The following DGKB variants were observed in gnomAD, a reference collection of about 807,000 sequenced individuals.
DGKB encodes diacylglycerol kinase beta, also known as 90 kDa diacylglycerol kinase.
Under a neutral mutation model 114.3 loss-of-function variants are expected in DGKB, and 67 were observed. The ratio of observed to expected loss-of-function variants is 0.59; its 90% CI spans 0.48 to 0.72. The LOEUF (loss-of-function observed/expected upper bound fraction) is 0.72, where lower values mean the gene tolerates loss of function less well. DGKB is among the 30% of genes least tolerant of loss of function. The pLI, the probability that DGKB is intolerant of heterozygous loss-of-function variation, is 0.00. For synonymous variants in DGKB, 398 were observed against 323.1 expected, an observed-to-expected ratio of 1.23 and a Z score of -2.49; for missense variants, 907 against 975.2, an observed-to-expected ratio of 0.93 and a Z score of 0.93.
chr7:14,275,134 G>A (rs1044590597), intron 23 of DGKB, among the ~76,000 whole-genome samples: 5 of 152,142 alleles, frequency 3.3e-5, no homozygotes, highest in Admixed American at 1.3e-4. Context: ...CAGTTTTTAT[G>A]TTACCATTGC....
At chr7:14,672,201 A>G (rs1819079467) in intron 13 of DGKB, among the ~76,000 whole-genome samples, 1 of 152,084 alleles carries the variant, frequency 6.6e-6, no homozygotes, top group Non-Finnish European at 1.5e-5. Context: ...ATCAAATGGA[A>G]GTTCCAGCCA....
At chr7:14,433,138 G>T (rs910894912) in intron 21 of DGKB, among the ~76,000 whole-genome samples, 2 of 152,152 alleles carry the variant, frequency 1.3e-5, no homozygotes, top group Non-Finnish European at 2.9e-5. Flanking sequence ...CTCCCTGGGA[G>T]CACGTCGTAT....
intron 23 of DGKB, among the ~76,000 whole-genome samples, chr7:14,215,626 A>G (rs1237886307): frequency 2.6e-5 from 4 of 152,142 alleles, no homozygotes; most frequent in African/African-American, 9.7e-5. Context: ...TATTACCTTC[A>G]TTTTGCCGAT....
At chr7:14,468,042 CTTA>C (rs1309012103) in intron 21 of DGKB, among the ~76,000 whole-genome samples, 2 of 151,982 alleles carry the variant, frequency 1.3e-5, no homozygotes, top group East Asian at 3.9e-4. Flanking sequence ...AAAAAGCATT[CTTA>C]TTATATTATT....
At chr7:14,386,293 A>T (rs1385217196) in intron 21 of DGKB, among the ~76,000 whole-genome samples, 1 of 152,132 alleles carries the variant, frequency 6.6e-6, no homozygotes, top group Non-Finnish European at 1.5e-5. Flanking sequence ...TCACTTTCAG[A>T]TATGATTTTT....
chr7:14,843,217 A>T (rs1586858598), intron 1 of DGKB, among the ~76,000 whole-genome samples: 4 of 130,700 alleles, frequency 3.1e-5, no homozygotes, highest in African/African-American at 1.2e-4. Context: ...ATTCTGTCTT[A>T]AAAAAAAAAA....
chr7:14,510,068 C>G (rs1258248388), intron 20 of DGKB, among the ~76,000 whole-genome samples: 3 of 151,928 alleles, frequency 2.0e-5, no homozygotes, highest in Non-Finnish European at 2.9e-5. Context: ...CCCAGCTACT[C>G]GGGAGGCTGA....
At chr7:14,186,710 C>A (rs557316377) in intron 23 of DGKB, among the ~76,000 whole-genome samples, 2 of 152,266 alleles carry the variant, frequency 1.3e-5, no homozygotes, top group Admixed American at 6.5e-5. Context: ...GAATTAACAG[C>A]ATTTGCAGTG....
intron 23 of DGKB, among the ~76,000 whole-genome samples, chr7:14,213,411 C>T (rs1355147617): frequency 6.6e-6 from 1 of 152,100 alleles, no homozygotes. Flanking sequence ...GGAGAAAATT[C>T]TCCATGGATT....
At chr7:14,848,925 G>A (rs369719858) in intron 1 of DGKB, among the ~76,000 whole-genome samples, 4 of 151,884 alleles carry the variant, frequency 2.6e-5, no homozygotes, top group African/African-American at 9.7e-5. Context: ...CATCAGTTTT[G>A]TATTACAATC....
chr7:14,378,167 A>G (rs1316695486), intron 21 of DGKB, among the ~76,000 whole-genome samples: 3 of 152,118 alleles, frequency 2.0e-5, no homozygotes, highest in Non-Finnish European at 2.9e-5. Flanking sequence ...AGCAGGACAT[A>G]TTGGAAGACA....
chr7:14,822,614 G>C (rs1007339027), intron 2 of DGKB, among the ~76,000 whole-genome samples: 3 of 152,080 alleles, frequency 2.0e-5, no homozygotes, highest in Non-Finnish European at 2.9e-5. Flanking sequence ...GATATGTTTG[G>C]TCAAGCTGTT....
intron 6 of DGKB, among the ~76,000 whole-genome samples, chr7:14,712,798 T>C (rs959205033): frequency 3.3e-5 from 5 of 152,064 alleles, no homozygotes; most frequent in African/African-American, 1.2e-4. Context: ...TAAAACTATA[T>C]TTAAAAATAA....
At chr7:14,663,814 CA>C (rs35779111) in intron 13 of DGKB, among the ~76,000 whole-genome samples, 70,857 of 149,432 alleles carry the variant, frequency 0.47, 17,945 homozygotes, top group Non-Finnish European at 0.57. Context: ...AACCAGTGTG[CA>C]AAAAAAAACA....
chr7:14,150,960 A>G lies in DGKB; in HGVS notation c.2305-1722T>C, dbSNP rs115989753. On this transcript the variant is annotated intron_variant, in intron 25 of 25. Transcript: ENST00000402815. The stretch of plus-strand genomic sequence containing the variant: ...ATACAAGCTCTGCCCCCAAGAAATT[A>G]TAATCTAGCAGGAAAGATAAATTGA... Among the ~76,000 whole-genome samples, 1,216 of 152,228 alleles carry G rather than the reference A, an allele frequency of 8.0e-3. 15 individuals are homozygous for G. Among genetic ancestry groups the G allele is most frequent in the African/African-American group, 0.027 (1,130 of 41,576 alleles).
chr7:14,176,749 A>C lies in DGKB; in HGVS notation c.2304+90T>G, dbSNP rs542811043. The C allele has an allele frequency of 1.2e-5, 18 of 1,558,132 alleles. No individual in the cohort carries two copies. The East Asian group carries it at 4.1e-4, about 36-fold the overall frequency. ...CTATTTGCTGATAGGTTGAAAAGAA[A>C]TAAAGAAAAAAATCAGTTATTGTGG... On this transcript the variant is annotated intron_variant, in intron 25 of 25. Coordinates refer to ENST00000402815, the MANE Select transcript of DGKB (RefSeq NM_001350709.2).
At chr7:14,698,675 C>A (rs571979739) in intron 7 of DGKB, among the ~76,000 whole-genome samples, 1 of 152,158 alleles carries the variant, frequency 6.6e-6, no homozygotes, top group Admixed American at 6.5e-5. Context: ...GTTTGCAGGA[C>A]AAGTATATGC....
chr7:14,656,751 T>TACACACACAC (rs10623353), intron 13 of DGKB, among the ~76,000 whole-genome samples: 57 of 127,640 alleles, frequency 4.5e-4, no homozygotes, highest in African/African-American at 2.0e-3. Context: ...ATATAGGATA[T>TACACACACAC]ATACACACAC....
intron 23 of DGKB, among the ~76,000 whole-genome samples, chr7:14,278,345 T>C (rs1353293253): frequency 6.6e-6 from 1 of 152,212 alleles, no homozygotes; most frequent in African/African-American, 2.4e-5. Flanking sequence ...CCCATATATT[T>C]ATGGTCAATT....
Sources: gnomAD v4.1 joint callset for allele counts (sites outside exome capture counted in the v4.1 genomes callset) on GRCh38, gnomAD v4.1.1 for gene constraint, MANE v1.5 for transcripts, NCBI Gene and HGNC (gene_info 2026-07-23, HGNC 2026-07-21) for gene names.